The following EXOC6B variants were observed in gnomAD, a reference collection of about 807,000 sequenced individuals.
EXOC6B encodes exocyst complex component 6B, also known as SEC15 homolog B.
A neutral mutation model predicts 113.5 loss-of-function variants in EXOC6B; 54 were observed. That is an observed-to-expected ratio of 0.48 (90% CI 0.38 to 0.60). The LOEUF (loss-of-function observed/expected upper bound fraction) is 0.60. EXOC6B is among the 20% of genes least tolerant of loss of function. The pLI, the probability that EXOC6B is intolerant of heterozygous loss-of-function variation, is 0.00. For missense variants in EXOC6B, 797 were observed against 977.5 expected (o/e 0.82, Z 2.46); for synonymous variants, 357 against 339.0 (o/e 1.05, Z -0.58).
intron 17 of EXOC6B, among the ~76,000 whole-genome samples, chr2:72,469,921 C>T (rs998357079): frequency 2.0e-5 from 3 of 151,942 alleles, no homozygotes; most frequent in African/African-American, 7.2e-5. Context: ...CATATTTTTC[C>T]ATCTTTGATC....
At chr2:72,227,767 A>G (rs1003648711) in intron 20 of EXOC6B, among the ~76,000 whole-genome samples, 21 of 152,162 alleles carry the variant, frequency 1.4e-4, no homozygotes, top group African/African-American at 5.1e-4. Flanking sequence ...TAAATAAATA[A>G]CTTAAATCTA....
intron 20 of EXOC6B, among the ~76,000 whole-genome samples, chr2:72,322,056 C>T (rs1024041469): frequency 2.6e-5 from 4 of 151,992 alleles, no homozygotes; most frequent in African/African-American, 7.3e-5. Context: ...ATAGGCCCAA[C>T]GATTCCATTC....
chr2:72,799,840 G>A (rs1264692790), intron 1 of EXOC6B, among the ~76,000 whole-genome samples: 2 of 152,018 alleles, frequency 1.3e-5, no homozygotes, highest in Non-Finnish European at 2.9e-5. Flanking sequence ...CAAGGCAGAC[G>A]AATTGCTTGA....
intron 20 of EXOC6B, among the ~76,000 whole-genome samples, chr2:72,313,294 A>G (rs922899303): frequency 6.6e-6 from 1 of 152,166 alleles, no homozygotes; most frequent in Non-Finnish European, 1.5e-5. Context: ...GTGAAGAAAT[A>G]TTTGGTACAA....
At chr2:72,789,096 GGTTTATCTT>G (rs1305005603) in intron 1 of EXOC6B, among the ~76,000 whole-genome samples, 1 of 152,090 alleles carries the variant, frequency 6.6e-6, no homozygotes, top group African/African-American at 2.4e-5. Flanking sequence ...TATTTGAGCT[GGTTTATCTT>G]GCAATTTTCC....
chr2:72,267,448 C>T (rs564218215), intron 20 of EXOC6B, among the ~76,000 whole-genome samples: 29 of 152,186 alleles, frequency 1.9e-4, no homozygotes, highest in South Asian at 6.2e-4. Context: ...CCTAATTTAT[C>T]GAGAGTTTTT....
intron 20 of EXOC6B, among the ~76,000 whole-genome samples, chr2:72,191,711 A>G (rs192819134): frequency 2.6e-4 from 39 of 152,332 alleles, no homozygotes; most frequent in African/African-American, 8.9e-4. Flanking sequence ...CAGCATTATA[A>G]TAGTAGAACA....
At chr2:72,761,956 A>G (rs1682764097) in intron 1 of EXOC6B, among the ~76,000 whole-genome samples, 1 of 152,028 alleles carries the variant, frequency 6.6e-6, no homozygotes, top group African/African-American at 2.4e-5. Flanking sequence ...TTTAAAAAAA[A>G]GAAAAAAAGC....
intron 20 of EXOC6B, among the ~76,000 whole-genome samples, chr2:72,315,205 T>G (rs1687438140): frequency 6.6e-6 from 1 of 152,076 alleles, no homozygotes; most frequent in African/African-American, 2.4e-5. Flanking sequence ...GAAAAGAGCC[T>G]TCCAGAAAAA....
chr2:72,421,803 C>T (rs1433645403), intron 18 of EXOC6B, among the ~76,000 whole-genome samples: 4 of 152,216 alleles, frequency 2.6e-5, no homozygotes, highest in Non-Finnish European at 4.4e-5. Context: ...GAGCCCACTC[C>T]CTCAGCTTGC....
intron 1 of EXOC6B, among the ~76,000 whole-genome samples, chr2:72,778,898 T>C (rs141935080): frequency 7.0e-4 from 106 of 152,264 alleles, no homozygotes; most frequent in African/African-American, 2.5e-3. Flanking sequence ...ATATTAGTTT[T>C]TTTAAAAAAG....
At chr2:72,618,413 T>G (rs573305755) in intron 6 of EXOC6B, among the ~76,000 whole-genome samples, 4 of 152,096 alleles carry the variant, frequency 2.6e-5, no homozygotes, top group Admixed American at 6.5e-5. Context: ...CATATTATTG[T>G]GTTCTGAGAA....
chr2:72,424,087 T>G (rs911459157), intron 18 of EXOC6B, among the ~76,000 whole-genome samples: 3 of 151,594 alleles, frequency 2.0e-5, no homozygotes, highest in African/African-American at 7.3e-5. Flanking sequence ...ATCAATATTA[T>G]GTTGTCTAAT....
At chr2:72,705,958 T>A (rs1349142909) in intron 6 of EXOC6B, among the ~76,000 whole-genome samples, 1 of 152,208 alleles carries the variant, frequency 6.6e-6, no homozygotes, top group East Asian at 1.9e-4. Flanking sequence ...CTTCCCAGCC[T>A]ATATTTCTGA....
chr2:72,342,219 A>C (rs1689069649), intron 19 of EXOC6B, among the ~76,000 whole-genome samples: 1 of 152,102 alleles, frequency 6.6e-6, no homozygotes, highest in Non-Finnish European at 1.5e-5. Context: ...AAGGAACTAC[A>C]AAAAGAACCA....
At chr2:72,336,869 T>A (rs763139413) in intron 19 of EXOC6B, among the ~76,000 whole-genome samples, 169 of 152,198 alleles carry the variant, frequency 1.1e-3, no homozygotes, top group Non-Finnish European at 2.0e-3. Context: ...TAGCTGGGCA[T>A]GGTGACACAT....
At chr2:72,423,314 G>C (rs1019575877) in intron 18 of EXOC6B, among the ~76,000 whole-genome samples, 7 of 152,118 alleles carry the variant, frequency 4.6e-5, no homozygotes, top group Non-Finnish European at 8.8e-5. Context: ...CACCTTAAGA[G>C]CTGTAACACT....
chr2:72,283,081 C>G (rs946486443), intron 20 of EXOC6B, among the ~76,000 whole-genome samples: 6 of 152,250 alleles, frequency 3.9e-5, no homozygotes, highest in Admixed American at 3.3e-4. Flanking sequence ...CTATAGAACA[C>G]TACACCCAAT....
chr2:72,222,842 G>A (rs1279973254), intron 20 of EXOC6B, among the ~76,000 whole-genome samples: 2 of 152,162 alleles, frequency 1.3e-5, no homozygotes, highest in South Asian at 2.1e-4. Flanking sequence ...TCTCCTGCTA[G>A]GCATCTCACA....
Sources: allele counts gnomAD v4.1 joint callset (sites outside exome capture counted in the v4.1 genomes callset), GRCh38; gene constraint gnomAD v4.1.1; transcripts MANE v1.5; gene names NCBI Gene and HGNC (gene_info 2026-07-23, HGNC 2026-07-21).